LPXN: variants seen among roughly 807,000 people sequenced by gnomAD.
LPXN encodes the protein leupaxin.
In LPXN, 28 loss-of-function variants were observed where a neutral mutation model predicts 45.6. The ratio of observed to expected loss-of-function variants is 0.61; its 90% CI spans 0.45 to 0.84. LPXN has a LOEUF of 0.84. Among genes scored for constraint, LPXN ranks in the 40% least tolerant of loss-of-function variants. The probability of loss-of-function intolerance (pLI) is 0.00; values close to 1 mark genes in which losing one functional copy is unlikely to be tolerated. For missense variants in LPXN, 459 were observed against 475.0 expected (o/e 0.97, Z 0.31); for synonymous variants, 166 against 169.9 (o/e 0.98, Z 0.18).
rs757034433 is a variant in LPXN, at chr11:58,550,031, T to C, written c.602A>G (p.Asn201Ser). 1.2e-6 allele frequency: 2 copies of C among 1,614,168 alleles called. No homozygotes were observed. The highest frequency in any genetic ancestry group is 2.2e-5 in the East Asian group (1 of 44,882). The change falls in exon 6 of 9, where the codon AAC becomes AGC. Residue 201 changes from asparagine (N) to serine (S), a missense_variant. Physicochemically the swap from Asn to Ser is conservative, Grantham distance 46. Transcript: ENST00000395074. ...TGGAGAAAAAAGTTGGTGGTAGTCG[T>C]TGGGGCAGTAGGCCAAGCCACTCCG... The part of the protein sequence containing the change: ...FERSGLAYCP[N>S]DYHQLFSPRC...
chr11:58,546,970 C>G (rs567517426), intron 7 of LPXN, among the ~76,000 whole-genome samples: 111 of 152,112 alleles, frequency 7.3e-4, no homozygotes, highest in African/African-American at 2.4e-3. Context: ...CCATCACCAC[C>G]AAGAAAGATG....
chr11:58,569,218 A>G (rs1229045354), intron 2 of LPXN, among the ~76,000 whole-genome samples: 1 of 152,232 alleles, frequency 6.6e-6, no homozygotes, highest in African/African-American at 2.4e-5. Context: ...AGCTATGAAG[A>G]GCATCTACTT....
At chr11:58,535,197 A>C (rs906770209) in intron 7 of LPXN, among the ~76,000 whole-genome samples, 1 of 152,176 alleles carries the variant, frequency 6.6e-6, no homozygotes, top group Non-Finnish European at 1.5e-5. Flanking sequence ...CTAATACCAA[A>C]ACACGGCAGA....
intron 7 of LPXN, among the ~76,000 whole-genome samples, chr11:58,532,212 G>A (rs1027091324): frequency 2.6e-5 from 4 of 152,182 alleles, no homozygotes; most frequent in African/African-American, 9.7e-5. Context: ...TCTGCAGCCC[G>A]CCATGCCCGA....
chr11:58,534,089 C>T (rs1338318170), intron 7 of LPXN, among the ~76,000 whole-genome samples: 1 of 152,082 alleles, frequency 6.6e-6, no homozygotes, highest in East Asian at 1.9e-4. Context: ...ACTTTAACAC[C>T]CCACTGTCAA....
At chr11:58,553,518 G>A (rs1025887072) in intron 4 of LPXN, among the ~76,000 whole-genome samples, 10 of 152,026 alleles carry the variant, frequency 6.6e-5, no homozygotes, top group African/African-American at 2.4e-4. Flanking sequence ...GCCCATCAAA[G>A]GATGTCAGTC....
intron 7 of LPXN, among the ~76,000 whole-genome samples, chr11:58,544,447 G>A (rs1281654251): frequency 6.6e-6 from 1 of 152,140 alleles, no homozygotes; most frequent in Non-Finnish European, 1.5e-5. Flanking sequence ...CTATAGGTAG[G>A]CATTACTTGA....
intron 7 of LPXN, among the ~76,000 whole-genome samples, chr11:58,539,036 G>C (rs1853637631): frequency 6.6e-6 from 1 of 152,184 alleles, no homozygotes; most frequent in African/African-American, 2.4e-5. Flanking sequence ...TCAGGGCGCA[G>C]TGGCTCCTGC....
At chr11:58,547,832 C>T (rs1853920882) in intron 7 of LPXN, among the ~76,000 whole-genome samples, 1 of 152,106 alleles carries the variant, frequency 6.6e-6, no homozygotes, top group South Asian at 2.1e-4. Flanking sequence ...GAGGACTGCA[C>T]AAGCTTTTAT....
intron 5 of LPXN, 99 bp downstream of exon 5, chr11:58,550,966 C>T (rs1854030488): frequency 1.7e-6 from 2 of 1,175,282 alleles, no homozygotes; most frequent in Non-Finnish European, 2.3e-6. Context: ...ATTATTAATG[C>T]TAACTAAAAT....
chr11:58,578,657 T>C (rs1590602193), upstream of LPXN, among the ~76,000 whole-genome samples: 1 of 152,300 alleles, frequency 6.6e-6, no homozygotes, highest in Non-Finnish European at 1.5e-5. Flanking sequence ...ACGCCCAGGC[T>C]ACTTCTGCGG....
intron 3 of LPXN, 103 bp from the exon 4 acceptor site, chr11:58,555,043 G>A (rs1854162185): frequency 2.8e-6 from 2 of 706,136 alleles, no homozygotes; most frequent in African/African-American, 1.8e-5. Context: ...TGAATCCCCT[G>A]GATATGAAGC....
chr11:58,529,201 CAT>C (rs1356544498), intron 7 of LPXN, among the ~76,000 whole-genome samples: 9 of 152,174 alleles, frequency 5.9e-5, no homozygotes, highest in East Asian at 1.9e-4. Flanking sequence ...ATGACTTACA[CAT>C]GTCAAAAAAT....
intron 2 of LPXN, among the ~76,000 whole-genome samples, chr11:58,567,334 CAT>C (rs1399637461): frequency 1.3e-5 from 2 of 152,106 alleles, no homozygotes; most frequent in East Asian, 1.9e-4. Context: ...TAAATTTTCA[CAT>C]ATTTTATTTT....
chr11:58,570,145 A>T (rs1854642237), intron 2 of LPXN, among the ~76,000 whole-genome samples: 1 of 152,066 alleles, frequency 6.6e-6, no homozygotes, highest in Non-Finnish European at 1.5e-5. Flanking sequence ...TCTACTAAAA[A>T]TACAAAAATT....
intron 7 of LPXN, among the ~76,000 whole-genome samples, chr11:58,531,483 TA>T: frequency 6.6e-6 from 1 of 151,212 alleles, no homozygotes; most frequent in African/African-American, 2.4e-5. Context: ...CTTAATGAAA[TA>T]AAGCAAGAGG....
At chr11:58,557,235 T>G (rs1210266780) in intron 3 of LPXN, among the ~76,000 whole-genome samples, 2 of 152,328 alleles carry the variant, frequency 1.3e-5, no homozygotes, top group Non-Finnish European at 2.9e-5. Context: ...TAAAGATCTC[T>G]GCACTCGTAT....
Position 58,551,241 on chromosome 11 carries a change from AG to A in LPXN, c.319-10del. Reference sequence around the variant, plus strand: ...TCTGCTCTCACTGCAACCTGGCCCAAGGGAAGAACCAAGAACAGAATCAGCC... The same window carrying A: ...TCTGCTCTCACTGCAACCTGGCCCAAGGAAGAACCAAGAACAGAATCAGCC... On this transcript the variant is annotated splice_polypyrimidine_tract_variant and intron_variant, in intron 4 of 8. Coordinates refer to ENST00000395074, the MANE Select transcript of LPXN (RefSeq NM_004811.3). 6.3e-7 allele frequency: 1 copy of A among 1,596,616 alleles called. No individual in the cohort carries two copies. Among genetic ancestry groups the A allele is most frequent in the Non-Finnish European group, 8.5e-7 (1 of 1,172,754 alleles).
At chr11:58,570,471 C>T (rs993984032) in intron 2 of LPXN, 85 bp downstream of exon 2, 3 of 1,005,578 alleles carry the variant, frequency 3.0e-6, no homozygotes, top group Non-Finnish European at 4.4e-6. Flanking sequence ...ATTCTCCTTT[C>T]ATATTATTTT....
Sources: gnomAD v4.1 joint callset for allele counts (sites outside exome capture counted in the v4.1 genomes callset) on GRCh38, gnomAD v4.1.1 for gene constraint, MANE v1.5 for transcripts, NCBI Gene and HGNC (gene_info 2026-07-23, HGNC 2026-07-21) for gene names.